Variants in LRPPRC observed in about 807,000 individuals in gnomAD.
The protein encoded by LRPPRC is leucine rich pentatricopeptide repeat containing.
In LRPPRC, 120 loss-of-function variants were observed where a neutral mutation model predicts 180.3. The observed-to-expected ratio is 0.67, with a 90% CI of 0.57 to 0.77. The LOEUF (loss-of-function observed/expected upper bound fraction) is 0.77, where lower values mean the gene tolerates loss of function less well. Among genes scored for constraint, LRPPRC ranks in the 30% least tolerant of loss-of-function variants. The probability of loss-of-function intolerance (pLI) is 0.00; values close to 1 mark genes in which losing one functional copy is unlikely to be tolerated. For synonymous variants in LRPPRC, 723 were observed against 600.0 expected, an observed-to-expected ratio of 1.21 and a Z score of -3.00; for missense variants, 2,012 against 1,657.2, an observed-to-expected ratio of 1.21 and a Z score of -3.72.
In LRPPRC at chr2:43,886,463, C is replaced by A. The variant is rs1036995002; in HGVS notation, c.*2137G>T. ...TTTAGAACACTCATAAGCCCACCTA[C>A]AGTATAGTTATTATACTTTAAATAT... On this transcript the variant is annotated 3_prime_UTR_variant, in exon 38 of 38. Transcript: ENST00000260665. The A allele has an allele frequency of 1.3e-5, 2 of 152,142 alleles. No individual in the cohort carries two copies. Among genetic ancestry groups the A allele is most frequent in the Non-Finnish European group, 2.9e-5 (2 of 68,028 alleles). The allele number at this position is 152,142 out of a possible 1,614,324, so 9.4% of individuals were successfully genotyped here.
rs752794686 is a variant in LRPPRC at position 43,888,668 on chromosome 2, A to G, written c.4129-12T>C. Reference sequence around the variant, plus strand: ...AATTCAAAGCTTTCCTGTTAAGGAGAAAAAAAGAGGGAAGTTAGAGATACC... The same window carrying G: ...AATTCAAAGCTTTCCTGTTAAGGAGGAAAAAAGAGGGAAGTTAGAGATACC... On this transcript the variant is annotated splice_polypyrimidine_tract_variant and intron_variant, in intron 37 of 37. Transcript: ENST00000260665. The G allele has an allele frequency of 2.0e-6, 3 of 1,528,582 alleles. No individual in the cohort carries two copies. Among genetic ancestry groups the G allele is most frequent in the Non-Finnish European group, 2.7e-6 (3 of 1,102,940 alleles). The allele number at this position is 1,528,582 out of a possible 1,614,324, so 94.7% of individuals were successfully genotyped here. A position where few individuals can be genotyped will look rare whatever the true frequency, so the allele number is the denominator to read the frequency against.
chr2:43,983,666 C>T (rs1674407874), intron 1 of LRPPRC, among the ~76,000 whole-genome samples: 1 of 152,080 alleles, frequency 6.6e-6, no homozygotes, highest in South Asian at 2.1e-4. Flanking sequence ...ATAATATAAT[C>T]ACATTTTTCA....
chr2:43,920,881 T>TGC (rs1671676620), intron 27 of LRPPRC, among the ~76,000 whole-genome samples: 2 of 152,208 alleles, frequency 1.3e-5, no homozygotes, highest in Admixed American at 1.3e-4. Context: ...TACAACTCCG[T>TGC]GCCTTTAGGC....
At chr2:43,989,203 T>A (rs934654724) in intron 1 of LRPPRC, among the ~76,000 whole-genome samples, 1 of 152,232 alleles carries the variant, frequency 6.6e-6, no homozygotes. Context: ...ACTTTCTCCC[T>A]CTAAGAACTG....
intron 25 of LRPPRC, among the ~76,000 whole-genome samples, chr2:43,931,477 G>T (rs562723456): frequency 1.3e-5 from 2 of 152,178 alleles, no homozygotes; most frequent in Non-Finnish European, 2.9e-5. Flanking sequence ...GCAGAAGAAC[G>T]ATAAAGGGAG....
chr2:43,960,657 T>C (rs1673311686), intron 12 of LRPPRC, 23 bp from the exon 13 acceptor site: 2 of 1,056,754 alleles, frequency 1.9e-6, no homozygotes, highest in East Asian at 2.4e-5. Flanking sequence ...CATATATCAA[T>C]GAGAATACAT....
chr2:43,913,578 G>C (rs7569937), intron 29 of LRPPRC, among the ~76,000 whole-genome samples: 1 of 152,078 alleles, frequency 6.6e-6, no homozygotes, highest in Non-Finnish European at 1.5e-5. Context: ...AAGTGGCACT[G>C]TCAAAGAAAT....
At chr2:43,979,562 T>C (rs888709693) in intron 3 of LRPPRC, among the ~76,000 whole-genome samples, 9 of 152,228 alleles carry the variant, frequency 5.9e-5, no homozygotes, top group Non-Finnish European at 1.3e-4. Context: ...TGTGCATTTA[T>C]AACTTTGACA....
chr2:43,946,321 G>C, intron 20 of LRPPRC, 78 bp from the exon 21 acceptor site: 1 of 1,137,008 alleles, frequency 8.8e-7, no homozygotes, highest in Admixed American at 1.7e-5. Flanking sequence ...TTACTGTTCA[G>C]AGTTTAGAAA....
intron 35 of LRPPRC, 118 bp downstream of exon 35, chr2:43,896,516 G>C (rs1670692742): frequency 2.9e-6 from 2 of 700,082 alleles, no homozygotes; most frequent in South Asian, 1.6e-5. Context: ...GCAAAGTCTT[G>C]AATCTCTATA....
At chr2:43,980,465 A>C (rs896386498) in intron 2 of LRPPRC, among the ~76,000 whole-genome samples, 2 of 151,038 alleles carry the variant, frequency 1.3e-5, no homozygotes, top group Admixed American at 1.3e-4. Flanking sequence ...AGGCAGGAGA[A>C]CTGCTTGAAC....
chr2:43,904,847 T>G (rs1254224275), intron 31 of LRPPRC, among the ~76,000 whole-genome samples: 1 of 152,168 alleles, frequency 6.6e-6, no homozygotes, highest in East Asian at 1.9e-4. Context: ...ATCTCCTAAG[T>G]GGGTTTTGTT....
In LRPPRC at chr2:43,921,089, C is replaced by T. The variant is rs138065315; in HGVS notation, c.2897-2691G>A. Among the ~76,000 whole-genome samples the T allele has an allele frequency of 1.5e-4, 23 of 152,138 alleles. No individual in the cohort carries two copies. In the East Asian group the frequency reaches 4.1e-3, roughly 27 times the overall value. ...GGCAGATTAGTTGAGGCCAGGAGTTCGAGACCAGCCTGGACAACATGGTGA... is the reference window on the plus strand; with the variant it reads ...GGCAGATTAGTTGAGGCCAGGAGTTTGAGACCAGCCTGGACAACATGGTGA... On this transcript the variant is annotated intron_variant, in intron 27 of 37. Transcript: ENST00000260665.
chr2:43,985,356 A>G (rs1466416555), intron 1 of LRPPRC, among the ~76,000 whole-genome samples: 1 of 152,196 alleles, frequency 6.6e-6, no homozygotes, highest in East Asian at 1.9e-4. Flanking sequence ...TCCATCAACC[A>G]AAGTCCATAA....
intron 5 of LRPPRC, among the ~76,000 whole-genome samples, chr2:43,976,684 A>G (rs570481122): frequency 2.6e-5 from 4 of 151,798 alleles, no homozygotes; most frequent in Non-Finnish European, 5.9e-5. Flanking sequence ...TTAAATGGTT[A>G]AGAACATTTC....
chr2:43,890,189 A>C (rs755839367), intron 36 of LRPPRC: 7 of 415,936 alleles, frequency 1.7e-5, no homozygotes, highest in Non-Finnish European at 3.3e-5. Flanking sequence ...AAGTGACCAC[A>C]AACTGAAGTC....
At chr2:43,922,233 A>T (rs1671723789) in intron 27 of LRPPRC, among the ~76,000 whole-genome samples, 1 of 152,234 alleles carries the variant, frequency 6.6e-6, no homozygotes, top group African/African-American at 2.4e-5. Context: ...GCAGTTTTAT[A>T]TTAATAAAAG....
chr2:43,943,667 T>C lies in LRPPRC; in HGVS notation c.2504+20A>G. ...TTCTTTTAATGCCAACATTTAAAATTCAAAATTCAATTAACTTACTTTTCC... is the reference window on the plus strand; with the variant it reads ...TTCTTTTAATGCCAACATTTAAAATCCAAAATTCAATTAACTTACTTTTCC... On this transcript the variant is annotated intron_variant, in intron 23 of 37. Coordinates refer to ENST00000260665, the MANE Select transcript of LRPPRC (RefSeq NM_133259.4). The C allele has an allele frequency of 6.3e-7, 1 of 1,592,526 alleles. No homozygotes were observed. Among genetic ancestry groups the C allele is most frequent in the Non-Finnish European group, 8.6e-7 (1 of 1,160,380 alleles).
intron 11 of LRPPRC, among the ~76,000 whole-genome samples, chr2:43,966,809 G>C (rs1026351644): frequency 3.9e-5 from 6 of 151,918 alleles, no homozygotes; most frequent in Non-Finnish European, 5.9e-5. Flanking sequence ...CCAGCACTTT[G>C]GGAGGCCAAG....
Sources: gnomAD v4.1 joint callset for allele counts (sites outside exome capture counted in the v4.1 genomes callset) on GRCh38, gnomAD v4.1.1 for gene constraint, MANE v1.5 for transcripts, NCBI Gene and HGNC (gene_info 2026-07-23, HGNC 2026-07-21) for gene names.